RBFOX3: variants seen among roughly 807,000 people sequenced by gnomAD.
The protein encoded by RBFOX3 is RNA binding fox-1 homolog 3, also known as RNA binding protein fox-1 homolog 3.
In RBFOX3, 17 loss-of-function variants were observed where a neutral mutation model predicts 48.7. The ratio of observed to expected loss-of-function variants is 0.35; its 90% CI spans 0.24 to 0.52. RBFOX3 has a LOEUF of 0.52. Ranked by LOEUF, RBFOX3 falls within the 20% of genes least tolerant of loss-of-function variation. The pLI is 0.94. For missense variants in RBFOX3, 382 were observed against 497.5 expected, an observed-to-expected ratio of 0.77 and a Z score of 2.21; for synonymous variants, 212 against 209.5, an observed-to-expected ratio of 1.01 and a Z score of -0.10.
chr17:79,131,296 G>T (rs2038843636), intron 4 of RBFOX3, among the ~76,000 whole-genome samples: 1 of 152,110 alleles, frequency 6.6e-6, no homozygotes, highest in South Asian at 2.1e-4. Context: ...TGTATTCCAT[G>T]TGCCCTCCGT....
chr17:79,263,956 G>A (rs1431379289), intron 3 of RBFOX3, among the ~76,000 whole-genome samples: 1 of 152,070 alleles, frequency 6.6e-6, no homozygotes, highest in Admixed American at 6.5e-5. Flanking sequence ...AGGGAGGCTT[G>A]AGACACACAA....
chr17:79,337,398 C>T (rs553636319), intron 2 of RBFOX3, among the ~76,000 whole-genome samples: 39 of 149,536 alleles, frequency 2.6e-4, no homozygotes, highest in African/African-American at 9.2e-4. Context: ...AATGCACTCT[C>T]GTGTGTTTGC....
chr17:79,368,868 C>A (rs1211555319), intron 2 of RBFOX3, among the ~76,000 whole-genome samples: 1 of 152,230 alleles, frequency 6.6e-6, no homozygotes, highest in African/African-American at 2.4e-5. Context: ...GTCTTTGTAT[C>A]CACACTGTGG....
At chr17:79,572,747 C>T (rs2092723814) in intron 1 of RBFOX3, among the ~76,000 whole-genome samples, 1 of 152,208 alleles carries the variant, frequency 6.6e-6, no homozygotes, top group East Asian at 1.9e-4. Flanking sequence ...GGCTCATTGT[C>T]TCACAGCAAA....
In RBFOX3 at chr17:79,480,036, G is replaced by A. The variant is rs964150353; in HGVS notation, c.-175+2418C>T. ...AAGCACAGTGATCTTGGCACAGAGC[G>A]ACCTGACCAGGAGCCGTAGTGGATG... is the stretch of plus-strand genomic sequence containing the variant. On this transcript the variant is annotated intron_variant, in intron 2 of 14. Coordinates refer to ENST00000693108, the MANE Select transcript of RBFOX3 (RefSeq NM_001350451.2). The surrounding 1 kb of genome is among the most constrained non-coding windows in gnomAD (Gnocchi z 4.8). Among the ~76,000 whole-genome samples, 73 of 152,324 alleles carry A rather than the reference G, an allele frequency of 4.8e-4. 1 individual carries two copies. The Middle Eastern group carries it at 0.014, about 28-fold the overall frequency.
rs972614491 is a variant in RBFOX3 at position 79,479,762 on chromosome 17, C to T, written c.-175+2692G>A. Among the ~76,000 whole-genome samples the T allele has an allele frequency of 2.1e-4, 32 of 152,270 alleles. No homozygotes were observed. Among genetic ancestry groups the T allele is most frequent in the Non-Finnish European group, 3.7e-4 (25 of 68,026 alleles). On this transcript the variant is annotated intron_variant, in intron 2 of 14. Transcript: ENST00000693108. The surrounding 1 kb of genome is among the most constrained non-coding windows in gnomAD (Gnocchi z 5.1). The stretch of plus-strand genomic sequence containing the variant: ...GACCCACAGAAAGGTGAGGCTGGGC[C>T]CCGCAACCTCCTTCTTGGAGGCAGC...
chr17:79,155,943 G>C (rs1272909529), intron 4 of RBFOX3, among the ~76,000 whole-genome samples: 1 of 152,196 alleles, frequency 6.6e-6, no homozygotes, highest in Non-Finnish European at 1.5e-5. Context: ...CAGCATCGCT[G>C]CCTCCCAGGT....
At chr17:79,091,932 T>G (rs991148919) in intron 14 of RBFOX3, 2 of 982,700 alleles carry the variant, frequency 2.0e-6, no homozygotes, top group Non-Finnish European at 2.4e-6. Flanking sequence ...CGCTTGTGAC[T>G]ACGTCGGCAA....
chr17:79,620,050 C>T, the RBFOX3 span, among the ~76,000 whole-genome samples: 3 of 151,600 alleles, frequency 2.0e-5, no homozygotes, highest in East Asian at 1.9e-4. Flanking sequence ...CACACACGCA[C>T]ATGCACACAT....
At chr17:79,595,419 A>T (rs1274778666) in intron 1 of RBFOX3, among the ~76,000 whole-genome samples, 4 of 152,176 alleles carry the variant, frequency 2.6e-5, no homozygotes, top group African/African-American at 9.7e-5. Flanking sequence ...TGAAGACGAG[A>T]CAGTGCACCA....
intron 4 of RBFOX3, among the ~76,000 whole-genome samples, chr17:79,210,031 G>C (rs546966391): frequency 6.6e-6 from 1 of 151,614 alleles, no homozygotes; most frequent in Admixed American, 6.6e-5. Context: ...AGAAAGGACA[G>C]CGTTTCTGTG....
In RBFOX3 at chr17:79,252,911, G is replaced by A. The variant is rs1567921452; in HGVS notation, c.-73-17106C>T. Among the ~76,000 whole-genome samples, 1 of 149,696 alleles carries A rather than the reference G, an allele frequency of 6.7e-6. No individual in the cohort carries two copies. The highest frequency in any genetic ancestry group is 2.2e-4 in the South Asian group (1 of 4,610). On this transcript the variant is annotated intron_variant, in intron 3 of 14. Transcript: ENST00000693108. This position sits in a 1 kb window ranked among gnomAD's most constrained non-coding sequence, Gnocchi z 4.0. ...AACCCCACCCTTCCCCCTCTATCCC[G>A]CCCGGCAAGCCCCAGCCCCCTAAAC...
chr17:79,120,969 C>T (rs986744721), intron 4 of RBFOX3, among the ~76,000 whole-genome samples: 4 of 152,058 alleles, frequency 2.6e-5, no homozygotes, highest in Admixed American at 6.5e-5. Flanking sequence ...CATGACCACC[C>T]CCTGCCATGG....
intron 9 of RBFOX3, 195 bp from the exon 10 acceptor site, chr17:79,097,940 A>T: frequency 1.7e-6 from 1 of 602,390 alleles, no homozygotes. Context: ...CTCCTTCCTG[A>T]CTCTTCTGCC....
At chr17:79,348,571 CTTTTT>C (rs71358701) in intron 2 of RBFOX3, among the ~76,000 whole-genome samples, 17 of 75,168 alleles carry the variant, frequency 2.3e-4, no homozygotes, top group Admixed American at 1.6e-3. Flanking sequence ...TTTTCTTTTC[CTTTTT>C]TTTTTTTTTT....
intron 1 of RBFOX3, among the ~76,000 whole-genome samples, chr17:79,523,954 T>A (rs914087431): frequency 5.3e-5 from 8 of 152,114 alleles, no homozygotes; most frequent in Admixed American, 2.0e-4. Context: ...GGGCCAGACT[T>A]TCACAGCCTC....
intron 2 of RBFOX3, among the ~76,000 whole-genome samples, chr17:79,314,493 A>G (rs1430805578): frequency 6.6e-6 from 1 of 152,230 alleles, no homozygotes; most frequent in Non-Finnish European, 1.5e-5. Flanking sequence ...AGCCAGGTCC[A>G]CGCCTGAGAC....
intron 2 of RBFOX3, among the ~76,000 whole-genome samples, chr17:79,385,401 G>A (rs1224324590): frequency 1.3e-5 from 2 of 152,122 alleles, no homozygotes; most frequent in Admixed American, 6.5e-5. Context: ...GCTCATGGAG[G>A]AGCCTGAAAC....
chr17:79,561,451 C>A (rs2092210354), intron 1 of RBFOX3, among the ~76,000 whole-genome samples: 1 of 152,120 alleles, frequency 6.6e-6, no homozygotes, highest in East Asian at 1.9e-4. Flanking sequence ...ACTGCAGATT[C>A]AGATGACAGA....
Sources: allele counts gnomAD v4.1 joint callset (sites outside exome capture counted in the v4.1 genomes callset), GRCh38; gene constraint gnomAD v4.1.1; non-coding constraint Gnocchi (gnomAD v3.1); transcripts MANE v1.5; gene names NCBI Gene and HGNC (gene_info 2026-07-23, HGNC 2026-07-21).